Variants in LRP6 observed in about 807,000 individuals in gnomAD.
LRP6 encodes LDL receptor related protein 6.
Under a neutral mutation model 184.1 loss-of-function variants are expected in LRP6, and 43 were observed. The observed-to-expected ratio is 0.23, with a 90% CI of 0.18 to 0.30. The LOEUF is 0.30. Among genes scored for constraint, LRP6 ranks in the 10% least tolerant of loss-of-function variants. The pLI is 1.00. For missense variants in LRP6, 1,571 were observed against 2,005.3 expected (o/e 0.78, Z 4.14); for synonymous variants, 719 against 684.9 (o/e 1.05, Z -0.78).
rs1014909655 is a variant in LRP6 at position 12,130,966 on chromosome 12, G to T, written c.3971-73C>A. ...GTCAAACTCTGGCAAGAATCAAAAG[G>T]TGCCTTCTGAACACAAATGAAAAAC... On this transcript the variant is annotated intron_variant, in intron 18 of 22. Transcript: ENST00000261349. The T allele has an allele frequency of 7.3e-5, 60 of 821,056 alleles. 2 individuals carry two copies. Among genetic ancestry groups the T allele is most frequent in the South Asian group, 5.5e-4 (39 of 71,102 alleles). 50.9% of individuals were successfully genotyped at this position (821,056 alleles called of 1,614,324 possible). A position where few individuals can be genotyped will look rare whatever the true frequency, so the allele number is the denominator to read the frequency against.
Position 12,119,993 on chromosome 12 carries a change from ATATAT to A in LRP6, c.*1128_*1132del, listed in dbSNP as rs1949577382. ...CAGAAAACAAACAAACAAACAAAAT[ATATAT>A]ATATATATATATATATATATATATA... is the stretch of plus-strand genomic sequence containing the variant. On this transcript the variant is annotated 3_prime_UTR_variant, in exon 23 of 23. Transcript: ENST00000261349. 8.0e-4 allele frequency: 10 copies of A among 12,562 alleles called. No homozygotes were observed. Among genetic ancestry groups the A allele is most frequent in the Admixed American group, 3.2e-3 (5 of 1,568 alleles). 0.8% of individuals were successfully genotyped at this position (12,562 alleles called of 1,614,324 possible). A position where few individuals can be genotyped will look rare whatever the true frequency, so the allele number is the denominator to read the frequency against.
At chr12:12,164,220 T>C in intron 9 of LRP6, 53 bp downstream of exon 9, 1 of 1,535,286 alleles carries the variant, frequency 6.5e-7, no homozygotes, top group East Asian at 2.2e-5. Flanking sequence ...TCAGAAATTC[T>C]AGAAGTTCTC....
chr12:12,155,542 G>A lies in LRP6; in HGVS notation c.2791+3287C>T, dbSNP rs1820825260. On this transcript the variant is annotated intron_variant, in intron 12 of 22. Coordinates refer to ENST00000261349, the MANE Select transcript of LRP6 (RefSeq NM_002336.3). ...CCAACAGAATTAATATGCATATTCA[G>A]CACGTTAAGCACGCTAAGAGCCGAG... 4.0e-6 allele frequency: 3 copies of A among 741,510 alleles called. No individual in the cohort carries two copies. In the South Asian group the frequency reaches 4.3e-5, roughly 11 times the overall value. 45.9% of individuals were successfully genotyped at this position (741,510 alleles called of 1,614,324 possible).
intron 12 of LRP6, chr12:12,155,178 A>G: frequency 1.9e-6 from 1 of 531,768 alleles, no homozygotes; most frequent in Non-Finnish European, 3.5e-6. Context: ...CCTGGGTGAC[A>G]GTGTGAGACT....
Position 12,266,807 on chromosome 12 carries a change from G to A in LRP6, c.-72C>T. 5.5e-6 allele frequency: 7 copies of A among 1,279,326 alleles called. No homozygotes were observed. Among genetic ancestry groups the A allele is most frequent in the South Asian group, 2.5e-5 (2 of 80,606 alleles). 79.2% of individuals were successfully genotyped at this position (1,279,326 alleles called of 1,614,324 possible). A position where few individuals can be genotyped will look rare whatever the true frequency, so the allele number is the denominator to read the frequency against. On this transcript the variant is annotated 5_prime_UTR_variant, in exon 1 of 23. Coordinates refer to ENST00000261349, the MANE Select transcript of LRP6 (RefSeq NM_002336.3). ...AGTGGGGGAGGCGAGGAGCCGGGGCGGCCGCCGCAGCGGCAGGGCTGCACG... is the reference window on the plus strand; with the variant it reads ...AGTGGGGGAGGCGAGGAGCCGGGGCAGCCGCCGCAGCGGCAGGGCTGCACG...
chr12:12,196,661 G>A (rs997490376), intron 3 of LRP6, among the ~76,000 whole-genome samples: 2 of 151,446 alleles, frequency 1.3e-5, no homozygotes, highest in Non-Finnish European at 2.9e-5. Flanking sequence ...CTCCGTTAAA[G>A]TACCTAAGAT....
intron 15 of LRP6, among the ~76,000 whole-genome samples, chr12:12,145,054 T>C (rs998577456): frequency 5.3e-5 from 8 of 151,710 alleles, no homozygotes; most frequent in Non-Finnish European, 7.4e-5. Context: ...CTAAAACTTA[T>C]AATTAAAAAA....
At chr12:12,210,655 G>T (rs988143139) in intron 2 of LRP6, among the ~76,000 whole-genome samples, 2 of 152,158 alleles carry the variant, frequency 1.3e-5, no homozygotes, top group Admixed American at 6.5e-5. Context: ...TGTGACACAT[G>T]TAAGTAACTC....
Position 12,155,555 on chromosome 12 carries a change from G to A in LRP6, c.2791+3274C>T, listed in dbSNP as rs537035719. 1.8e-4 allele frequency: 134 copies of A among 742,332 alleles called. 3 individuals carry two copies. The highest frequency in any genetic ancestry group is 1.7e-3 in the South Asian group (118 of 70,242). The allele number at this position is 742,332 out of a possible 1,614,324, so 46.0% of individuals were successfully genotyped here. On this transcript the variant is annotated intron_variant, in intron 12 of 22. Transcript: ENST00000261349. ...TATGCATATTCAGCACGTTAAGCAC[G>A]CTAAGAGCCGAGATAGCTTCCTAAA...
chr12:12,238,765 C>T (rs1226180769), intron 2 of LRP6, among the ~76,000 whole-genome samples: 1 of 152,050 alleles, frequency 6.6e-6, no homozygotes, highest in Non-Finnish European at 1.5e-5. Flanking sequence ...GGGCATACTT[C>T]AAACAAAAGG....
chr12:12,210,313 T>C (rs1864174626), intron 2 of LRP6, among the ~76,000 whole-genome samples: 3 of 152,172 alleles, frequency 2.0e-5, no homozygotes, highest in Admixed American at 2.0e-4. Flanking sequence ...GATTTACAAA[T>C]GTGAATGTGT....
At chr12:12,205,497 T>G (rs1031502637) in intron 2 of LRP6, among the ~76,000 whole-genome samples, 1 of 152,190 alleles carries the variant, frequency 6.6e-6, no homozygotes, top group Non-Finnish European at 1.5e-5. Flanking sequence ...TACTGATGTC[T>G]CCACTATTTC....
chr12:12,138,268 T>C (rs1366794491), intron 16 of LRP6, 57 bp downstream of exon 16: 2 of 1,432,288 alleles, frequency 1.4e-6, no homozygotes, highest in Non-Finnish European at 2.0e-6. Context: ...CAAAAGTACA[T>C]ATTAATTTAT....
At chr12:12,144,893 T>A (rs1591882128) in intron 15 of LRP6, among the ~76,000 whole-genome samples, 1 of 99,222 alleles carries the variant, frequency 1.0e-5, no homozygotes, top group East Asian at 2.6e-4. Context: ...GTGGGGAACA[T>A]CACACACTGG....
At chr12:12,157,225 A>T (rs1242198627) in intron 12 of LRP6, among the ~76,000 whole-genome samples, 5 of 152,072 alleles carry the variant, frequency 3.3e-5, no homozygotes, top group African/African-American at 4.8e-5. Context: ...TCTAGAGGTC[A>T]TCCTTGCTTC....
chr12:12,192,481 T>C (rs532549977), intron 3 of LRP6, among the ~76,000 whole-genome samples: 1 of 152,032 alleles, frequency 6.6e-6, no homozygotes, highest in Admixed American at 6.5e-5. Flanking sequence ...CAAAGGCTGT[T>C]AGACTGAATA....
chr12:12,256,759 T>C (rs182481871), intron 1 of LRP6, among the ~76,000 whole-genome samples: 1 of 152,180 alleles, frequency 6.6e-6, no homozygotes, highest in Non-Finnish European at 1.5e-5. Flanking sequence ...TGAGCAGAGA[T>C]TGTGCCACTG....
At chr12:12,186,605 C>G (rs558881432) in intron 4 of LRP6, among the ~76,000 whole-genome samples, 34 of 151,508 alleles carry the variant, frequency 2.2e-4, no homozygotes, top group African/African-American at 7.0e-4. Flanking sequence ...GTCTCAAACT[C>G]CTGACCTCAT....
At chr12:12,265,431 C>T (rs1371542054) in intron 1 of LRP6, among the ~76,000 whole-genome samples, 2 of 152,176 alleles carry the variant, frequency 1.3e-5, no homozygotes, top group Non-Finnish European at 2.9e-5. Flanking sequence ...CTCAATCATT[C>T]TCATCCGAAA....
Sources: gnomAD v4.1 joint callset for allele counts (sites outside exome capture counted in the v4.1 genomes callset) on GRCh38, gnomAD v4.1.1 for gene constraint, MANE v1.5 for transcripts, NCBI Gene and HGNC (gene_info 2026-07-23, HGNC 2026-07-21) for gene names.